Variants in NALF2 observed in about 807,000 individuals in gnomAD.
NALF2 encodes bB57D9.1 (TED protein).
A neutral mutation model predicts 24.8 loss-of-function variants in NALF2; 1 was observed. The ratio of observed to expected loss-of-function variants is 0.04; its 90% CI spans 0.01 to 0.19. The LOEUF is 0.19. Ranked by LOEUF, NALF2 falls within the 10% of genes least tolerant of loss-of-function variation. NALF2 has a pLI of 1.00. For missense variants in NALF2, 458 were observed against 409.6 expected (o/e 1.12, Z -1.02); for synonymous variants, 254 against 189.8 (o/e 1.34, Z -2.78).
In NALF2 at chrX:69,505,257, C is replaced by T. The variant is rs780848838; in HGVS notation, c.-26C>T. The T allele has an allele frequency of 1.4e-5, 16 of 1,123,462 alleles. No individual in the cohort carries two copies. The Admixed American group carries it at 4.4e-4, about 31-fold the overall frequency. The allele number at this position is 1,123,462 out of a possible 1,213,427, so 92.6% of individuals were successfully genotyped here. On this transcript the variant is annotated 5_prime_UTR_variant, in exon 1 of 3. Coordinates refer to ENST00000252338, the MANE Select transcript of NALF2 (RefSeq NM_015686.3). ...CCGTCTGGCCTCGCGCCTGCCTGTT[C>T]CCTCCAGCCCGGACCCCCCTGAAAT...
At chrX:69,507,229 C>T (rs1930503118) in intron 1 of NALF2, among the ~76,000 whole-genome samples, 3 of 111,785 alleles carry the variant, frequency 2.7e-5, no homozygotes, top group African/African-American at 6.5e-5. Flanking sequence ...CCCTCCAAGA[C>T]TTTGGGGAGG....
chrX:69,512,264 A>G (rs751476370), intron 1 of NALF2, among the ~76,000 whole-genome samples: 120 of 112,393 alleles, frequency 1.1e-3, no homozygotes, highest in African/African-American at 3.8e-3. Flanking sequence ...GCAAGAGGCC[A>G]GGGATGCTGG....
rs763639324 is a variant in NALF2, at chrX:69,505,428, C to T, written c.146C>T (p.Ser49Phe). Residue 49 changes from serine (S) to phenylalanine (F), a missense_variant, in exon 1 of 3, where the codon TCC (serine) becomes TTC (phenylalanine). By Grantham distance (155) the Ser-to-Phe change is radical (BLOSUM62 -2). Coordinates refer to ENST00000252338, the MANE Select transcript of NALF2 (RefSeq NM_015686.3). ...CAGCGATGGCGACTGTCCCTGGCGTCCCTGCTCTTCTTCACCGTGCTGCTC... is the reference window on the plus strand; with the variant it reads ...CAGCGATGGCGACTGTCCCTGGCGTTCCTGCTCTTCTTCACCGTGCTGCTC... ...RAQRWRLSLA[S>F]LLFFTVLLAD... 1.1e-5 allele frequency: 13 copies of T among 1,150,611 alleles called. 1 individual carries two copies. In the South Asian group the frequency reaches 2.0e-4, roughly 17 times the overall value. The allele number at this position is 1,150,611 out of a possible 1,213,427, so 94.8% of individuals were successfully genotyped here.
In NALF2 at chrX:69,505,190, C is replaced by T. The variant is rs753625827; in HGVS notation, c.-93C>T. 2,797 of 925,422 alleles carry T rather than the reference C, an allele frequency of 3.0e-3. 65 individuals are homozygous for T. In the African/African-American group the frequency reaches 0.054, roughly 18 times the overall value. The allele number at this position is 925,422 out of a possible 1,213,427, so 76.3% of individuals were successfully genotyped here. On this transcript the variant is annotated 5_prime_UTR_variant, in exon 1 of 3. Coordinates refer to ENST00000252338, the MANE Select transcript of NALF2 (RefSeq NM_015686.3). ...CCCCGAGGTAGAGCCTGGACGGCGC[C>T]GAGGAGCGCAGAGCGGCGCGCAGCC...
At chrX:69,527,805 G>C (rs796537848) in intron 1 of NALF2, among the ~76,000 whole-genome samples, 1 of 111,068 alleles carries the variant, frequency 9.0e-6, no homozygotes, top group South Asian at 3.9e-4. Context: ...TTGGCAGGTC[G>C]GGGGTGGAGC....
intron 1 of NALF2, among the ~76,000 whole-genome samples, chrX:69,517,599 C>T (rs899954819): frequency 8.9e-6 from 1 of 112,195 alleles, no homozygotes; most frequent in Non-Finnish European, 1.9e-5. Flanking sequence ...ATGTTGACAA[C>T]ACTGGGGTGG....
In NALF2 at chrX:69,504,627, A is replaced by AGAGCGGAGCCC. The variant is rs1264742872; in HGVS notation, c.-654_-644dup. On this transcript the variant is annotated 5_prime_UTR_variant, in exon 1 of 3. Transcript: ENST00000252338. ...CTCCAGGAGCAGCGGGTGCGGAGCCAGAGCGGAGCCCGCCAGGGACTGGCC... is the reference window on the plus strand; with the variant it reads ...CTCCAGGAGCAGCGGGTGCGGAGCCAGAGCGGAGCCCGAGCGGAGCCCGCCAGGGACTGGCC... 8.0e-5 allele frequency among the ~76,000 whole-genome samples: 9 copies of AGAGCGGAGCCC among 112,931 alleles called. No homozygotes were observed. The highest frequency in any genetic ancestry group is 1.3e-4 in the Non-Finnish European group (7 of 53,057).
At chrX:69,509,225 C>T (rs1218386119) in intron 1 of NALF2, among the ~76,000 whole-genome samples, 1 of 111,229 alleles carries the variant, frequency 9.0e-6, no homozygotes, top group Non-Finnish European at 1.9e-5. Flanking sequence ...TCACCTCTCT[C>T]TTAGCTTCCT....
intron 2 of NALF2, among the ~76,000 whole-genome samples, 165 bp from the exon 3 acceptor site, chrX:69,529,406 T>C (rs925934657): frequency 3.6e-5 from 4 of 110,136 alleles, no homozygotes; most frequent in Non-Finnish European, 7.6e-5. Flanking sequence ...CTGGCTGGGG[T>C]CCCCAGGAAA....
chrX:69,512,986 G>A (rs1254048997), intron 1 of NALF2, among the ~76,000 whole-genome samples: 2 of 111,487 alleles, frequency 1.8e-5, no homozygotes, highest in African/African-American at 6.5e-5. Flanking sequence ...CCAGTCTCTT[G>A]TCCTTGGACC....
At chrX:69,507,647 GAC>G (rs1930512508) in intron 1 of NALF2, among the ~76,000 whole-genome samples, 1 of 111,095 alleles carries the variant, frequency 9.0e-6, no homozygotes, top group Admixed American at 9.6e-5. Context: ...TGGTATCAGA[GAC>G]ACGCAGGCAG....
Position 69,530,706 on chromosome X carries a change from A to G in NALF2, c.*750A>G. ...AGGCTACTGCCACCCGGCTTTGGGG[A>G]GATGGGCGATAAGTGTTGAGGTAGG... On this transcript the variant is annotated 3_prime_UTR_variant, in exon 3 of 3. Transcript: ENST00000252338. 1 of 113,850 alleles carries G rather than the reference A, an allele frequency of 8.8e-6. No individual in the cohort carries two copies. 9.4% of individuals were successfully genotyped at this position (113,850 alleles called of 1,213,427 possible).
chrX:69,525,406 T>G (rs1264922630), intron 1 of NALF2, among the ~76,000 whole-genome samples: 1 of 111,667 alleles, frequency 9.0e-6, no homozygotes, highest in Non-Finnish European at 1.9e-5. Context: ...CTTGGCACTC[T>G]GGGGCTCAAA....
At chrX:69,528,921 G>T in intron 1 of NALF2, 72 bp from the exon 2 acceptor site, 1 of 1,075,747 alleles carries the variant, frequency 9.3e-7, no homozygotes, top group Non-Finnish European at 1.2e-6. Flanking sequence ...CCACAAGTAA[G>T]TCCTCCCATC....
At chrX:69,511,123 C>G (rs1427065939) in intron 1 of NALF2, among the ~76,000 whole-genome samples, 1 of 110,198 alleles carries the variant, frequency 9.1e-6, no homozygotes, top group Non-Finnish European at 1.9e-5. Context: ...TCCTCCAACC[C>G]CTGCCCCTCC....
chrX:69,517,803 C>A (rs971109105), intron 1 of NALF2, among the ~76,000 whole-genome samples: 1 of 112,359 alleles, frequency 8.9e-6, no homozygotes, highest in African/African-American at 3.2e-5. Flanking sequence ...CACTAAAGAC[C>A]AAGCACAGCT....
At chrX:69,515,171 C>CT (rs1261110341) in intron 1 of NALF2, among the ~76,000 whole-genome samples, 1 of 111,917 alleles carries the variant, frequency 8.9e-6, no homozygotes, top group African/African-American at 3.2e-5. Context: ...TGTACCAAAT[C>CT]TAACAATACA....
At chrX:69,513,867 A>G (rs1348628340) in intron 1 of NALF2, among the ~76,000 whole-genome samples, 2 of 111,425 alleles carry the variant, frequency 1.8e-5, no homozygotes, top group African/African-American at 6.5e-5. Context: ...AAACGTTTTC[A>G]TCCTCCCAAA....
chrX:69,529,248 C>T, intron 2 of NALF2, 84 bp downstream of exon 2: 1 of 1,018,507 alleles, frequency 9.8e-7, no homozygotes, highest in South Asian at 2.4e-5. Flanking sequence ...GCAGGGATAA[C>T]AACAGGGGAG....
Sources: gnomAD v4.1 joint callset for allele counts (sites outside exome capture counted in the v4.1 genomes callset) on GRCh38, gnomAD v4.1.1 for gene constraint, MANE v1.5 for transcripts, NCBI Gene and HGNC (gene_info 2026-07-23, HGNC 2026-07-21) for gene names.